KCNT2: variants seen among roughly 807,000 people sequenced by gnomAD.
KCNT2 encodes the protein potassium channel subfamily T member 2.
In KCNT2, 67 loss-of-function variants were observed where a neutral mutation model predicts 153.8. The ratio of observed to expected loss-of-function variants is 0.44; its 90% CI spans 0.36 to 0.53. KCNT2 has a LOEUF of 0.53. KCNT2 is among the 20% of genes least tolerant of loss of function. KCNT2 has a pLI of 0.00. For missense variants in KCNT2, 975 were observed against 1,354.8 expected, an observed-to-expected ratio of 0.72 and a Z score of 4.40; for synonymous variants, 500 against 458.8, an observed-to-expected ratio of 1.09 and a Z score of -1.15.
At chr1:196,430,270 T>C (rs944506203) in intron 8 of KCNT2, among the ~76,000 whole-genome samples, 10 of 152,070 alleles carry the variant, frequency 6.6e-5, no homozygotes, top group African/African-American at 2.2e-4. Flanking sequence ...ATTGCCATTG[T>C]ACCACACTAA....
chr1:196,383,435 T>C (rs994437602), intron 13 of KCNT2, among the ~76,000 whole-genome samples: 1 of 152,194 alleles, frequency 6.6e-6, no homozygotes, highest in African/African-American at 2.4e-5. Flanking sequence ...GTATTTATCA[T>C]GTTGTAGCTT....
intron 1 of KCNT2, among the ~76,000 whole-genome samples, chr1:196,543,849 T>G (rs1656707539): frequency 1.3e-5 from 2 of 152,122 alleles, no homozygotes. Flanking sequence ...CTTCTTAAAT[T>G]AAAACATGGA....
chr1:196,377,616 T>A (rs759880297), intron 13 of KCNT2, among the ~76,000 whole-genome samples: 3 of 151,932 alleles, frequency 2.0e-5, no homozygotes, highest in Non-Finnish European at 4.4e-5. Context: ...CAGCAATACA[T>A]AGAGAGCTGA....
At chr1:196,508,126 G>A (rs1454865291) in intron 1 of KCNT2, among the ~76,000 whole-genome samples, 2 of 131,692 alleles carry the variant, frequency 1.5e-5, no homozygotes, top group African/African-American at 2.9e-5. Context: ...TGGTATGGCT[G>A]AACAGTAGTA....
chr1:196,396,094 T>C (rs1440543852), intron 13 of KCNT2, among the ~76,000 whole-genome samples: 2 of 151,612 alleles, frequency 1.3e-5, no homozygotes, highest in Non-Finnish European at 3.0e-5. Flanking sequence ...CATGATTCCT[T>C]GGGTTGGCTG....
Position 196,319,484 on chromosome 1 carries a change from T to A in KCNT2, c.2348A>T (p.Asn783Ile). ...MVYYMVGSID[N>I]LDDLLRCGVT... ...GTGTGCCAAAGATTTTGTCACCTAC[T>A]TGTCAATAGAGCCCACCATGTAGTA... The change falls in exon 20 of 28, where the codon AAC becomes ATC. Residue 783 changes from asparagine (N) to isoleucine (I), a missense_variant and splice_region_variant. By Grantham distance (149) the Asn-to-Ile change is moderately radical (BLOSUM62 -3). This residue lies in a region of KCNT2 where 325 missense variants were observed against 388.1 expected (regional missense o/e 0.84). Transcript: ENST00000294725. 1 of 1,608,288 alleles carries A rather than the reference T, an allele frequency of 6.2e-7. No homozygotes were observed. Among genetic ancestry groups the A allele is most frequent in the Non-Finnish European group, 8.5e-7 (1 of 1,175,936 alleles).
intron 14 of KCNT2, among the ~76,000 whole-genome samples, chr1:196,367,562 C>A (rs1296864226): frequency 6.6e-6 from 1 of 152,002 alleles, no homozygotes; most frequent in Non-Finnish European, 1.5e-5. Flanking sequence ...CTAACAGATA[C>A]AACTAGAATC....
At chr1:196,409,372 T>C (rs908261583) in intron 12 of KCNT2, among the ~76,000 whole-genome samples, 1 of 151,568 alleles carries the variant, frequency 6.6e-6, no homozygotes, top group Non-Finnish European at 1.5e-5. Context: ...CAGCATTTAT[T>C]ACACCCATCT....
chr1:196,346,543 T>C (rs181318556), intron 14 of KCNT2, among the ~76,000 whole-genome samples: 4 of 152,298 alleles, frequency 2.6e-5, no homozygotes, highest in East Asian at 3.9e-4. Flanking sequence ...ATTTCAATTA[T>C]TGTAACTGCA....
rs202099710 is a variant in KCNT2, at chr1:196,333,106, T to TG, written c.1997+740_1997+741insC. Reference sequence around the variant, plus strand: ...TGCCCAGCTGCAAGTTTTTTTTTTTTTTTGTTTGTTTGTTTAATTAAAGTC... The same window carrying TG: ...TGCCCAGCTGCAAGTTTTTTTTTTTTGTTTGTTTGTTTGTTTAATTAAAGTC... On this transcript the variant is annotated intron_variant, in intron 17 of 27. Coordinates refer to ENST00000294725, the MANE Select transcript of KCNT2 (RefSeq NM_198503.5). 3.8e-3 allele frequency among the ~76,000 whole-genome samples: 568 copies of TG among 151,176 alleles called. 1 individual carries two copies. The highest frequency in any genetic ancestry group is 8.9e-3 in the African/African-American group (366 of 41,060).
intron 19 of KCNT2, among the ~76,000 whole-genome samples, chr1:196,326,362 A>G (rs966491479): frequency 6.6e-6 from 1 of 152,068 alleles, no homozygotes; most frequent in Non-Finnish European, 1.5e-5. Flanking sequence ...GAAAGACAAA[A>G]AAAAAATTGT....
intron 14 of KCNT2, among the ~76,000 whole-genome samples, chr1:196,349,606 C>G (rs1409640990): frequency 6.6e-6 from 1 of 152,098 alleles, no homozygotes; most frequent in Non-Finnish European, 1.5e-5. Context: ...ACCCTATAGA[C>G]TCTAGCTTCT....
chr1:196,320,196 T>C (rs1663154673), intron 19 of KCNT2, among the ~76,000 whole-genome samples: 1 of 151,774 alleles, frequency 6.6e-6, no homozygotes. Flanking sequence ...ATATACATAT[T>C]TGAGGAAAGA....
chr1:196,594,742 G>A (rs1466127284), intron 1 of KCNT2, among the ~76,000 whole-genome samples: 1 of 152,038 alleles, frequency 6.6e-6, no homozygotes, highest in East Asian at 1.9e-4. Context: ...AAAAGGGGGT[G>A]ACATGATACC....
At chr1:196,397,128 T>C (rs1004127259) in intron 13 of KCNT2, among the ~76,000 whole-genome samples, 1 of 151,488 alleles carries the variant, frequency 6.6e-6, no homozygotes, top group Non-Finnish European at 1.5e-5. Context: ...AGGCTCAAAA[T>C]AGTAATCTGC....
At chr1:196,315,089 A>G (rs1238026125) in intron 21 of KCNT2, among the ~76,000 whole-genome samples, 1 of 151,716 alleles carries the variant, frequency 6.6e-6, no homozygotes, top group African/African-American at 2.4e-5. Flanking sequence ...CTTTACTACA[A>G]TATGAAAGTA....
intron 26 of KCNT2, among the ~76,000 whole-genome samples, chr1:196,237,909 TA>T (rs1323646715): frequency 1.3e-5 from 2 of 151,852 alleles, no homozygotes; most frequent in African/African-American, 4.8e-5. Context: ...TATTTCTCCA[TA>T]AGAAAAGAAA....
Position 196,351,112 on chromosome 1 carries a change from T to A in KCNT2, c.1404-8884A>T, listed in dbSNP as rs140862640. On this transcript the variant is annotated intron_variant, in intron 14 of 27. Coordinates refer to ENST00000294725, the MANE Select transcript of KCNT2 (RefSeq NM_198503.5). ...TGCTGCTTTGGTTACTGTAGCCTTG[T>A]CGTATAGTTTGAAGTTAGGTAGCGT... 7.8e-3 allele frequency among the ~76,000 whole-genome samples: 1,183 copies of A among 152,284 alleles called. 11 individuals are homozygous for A. Among genetic ancestry groups the A allele is most frequent in the Non-Finnish European group, 0.011 (777 of 68,034 alleles).
At chr1:196,557,100 T>C (rs373228927) in intron 1 of KCNT2, among the ~76,000 whole-genome samples, 10 of 151,126 alleles carry the variant, frequency 6.6e-5, no homozygotes, top group East Asian at 1.9e-4. Context: ...GGGTCTATAG[T>C]CAATAATAAT....
Sources: gnomAD v4.1 joint callset for allele counts (sites outside exome capture counted in the v4.1 genomes callset) on GRCh38, gnomAD v4.1.1 for gene constraint, gnomAD v4.1.1 regional missense constraint, MANE v1.5 for transcripts, NCBI Gene and HGNC (gene_info 2026-07-23, HGNC 2026-07-21) for gene names.